The following PLPPR1 variants were observed in gnomAD, a reference collection of about 807,000 sequenced individuals.
PLPPR1 encodes phospholipid phosphatase related 1.
PLPPR1 carries 10 observed loss-of-function variants against 33.1 expected under a neutral mutation model. The observed-to-expected ratio is 0.30, with a 90% confidence interval of 0.19 to 0.51. The LOEUF (loss-of-function observed/expected upper bound fraction) is 0.51, where lower values mean the gene tolerates loss of function less well. PLPPR1 is among the 20% of genes least tolerant of loss of function. The pLI, the probability that PLPPR1 is intolerant of heterozygous loss-of-function variation, is 0.97. For synonymous variants in PLPPR1, 151 were observed against 151.0 expected (o/e 1.00, Z 0.00); for missense variants, 304 against 408.1 (o/e 0.74, Z 2.20).
intron 2 of PLPPR1, among the ~76,000 whole-genome samples, chr9:101,210,263 T>C (rs643697): frequency 0.61 from 92,975 of 152,012 alleles, 28,798 homozygotes; most frequent in East Asian, 0.91. Flanking sequence ...CTGCTATTTC[T>C]TTAGAGTACT....
chr9:101,148,446 C>T (rs1357738044), intron 1 of PLPPR1, among the ~76,000 whole-genome samples: 1 of 152,198 alleles, frequency 6.6e-6, no homozygotes, highest in Non-Finnish European at 1.5e-5. Context: ...ATCTCATTTT[C>T]AGCCATTTGT....
chr9:101,118,644 T>C (rs770428905), intron 1 of PLPPR1, among the ~76,000 whole-genome samples: 1 of 152,192 alleles, frequency 6.6e-6, no homozygotes, highest in African/African-American at 2.4e-5. Context: ...CTTTAGATCA[T>C]GCTAAGGGGT....
intron 1 of PLPPR1, among the ~76,000 whole-genome samples, chr9:101,155,774 A>G (rs1450982837): frequency 6.6e-6 from 1 of 151,910 alleles, no homozygotes; most frequent in Non-Finnish European, 1.5e-5. Context: ...TAATTTTTGT[A>G]TTTTTAGTAG....
intron 1 of PLPPR1, among the ~76,000 whole-genome samples, chr9:101,115,870 A>G (rs552328385): frequency 6.6e-6 from 1 of 152,348 alleles, no homozygotes; most frequent in South Asian, 2.1e-4. Context: ...AAAAGAGATA[A>G]TAACAGCAAC....
intron 1 of PLPPR1, among the ~76,000 whole-genome samples, chr9:101,176,020 C>A (rs374073183): frequency 2.6e-5 from 4 of 152,314 alleles, no homozygotes; most frequent in African/African-American, 9.6e-5. Flanking sequence ...TTTTCTTTTG[C>A]CTCAGGTGTC....
rs114933745 is a variant in PLPPR1 at position 101,146,625 on chromosome 9, C to T, written c.-45-38825C>T. 5.7e-3 allele frequency among the ~76,000 whole-genome samples: 867 copies of T among 152,306 alleles called. 10 individuals carry two copies. The highest frequency in any genetic ancestry group is 0.019 in the African/African-American group (806 of 41,574). Reference sequence around the variant, plus strand: ...TGGCTGAACAAGCAAGTTCCAAGCACGAAGTGCAGAAGGAATGAGTTCCCT... The same window carrying T: ...TGGCTGAACAAGCAAGTTCCAAGCATGAAGTGCAGAAGGAATGAGTTCCCT... On this transcript the variant is annotated intron_variant, in intron 1 of 7. Coordinates refer to ENST00000374874, the MANE Select transcript of PLPPR1 (RefSeq NM_207299.2).
chr9:101,167,022 T>A, intron 1 of PLPPR1, among the ~76,000 whole-genome samples: 2 of 144,478 alleles, frequency 1.4e-5, no homozygotes, highest in Admixed American at 6.9e-5. Context: ...GGCAGTGATT[T>A]CTGAGGGTGC....
chr9:101,212,642 T>C (rs1826711705), intron 2 of PLPPR1, among the ~76,000 whole-genome samples: 2 of 152,220 alleles, frequency 1.3e-5, no homozygotes, highest in Admixed American at 1.3e-4. Flanking sequence ...TATATAACTA[T>C]AGGTTTCAGA....
intron 3 of PLPPR1, among the ~76,000 whole-genome samples, chr9:101,279,152 C>A (rs1013267305): frequency 6.6e-6 from 1 of 151,926 alleles, no homozygotes; most frequent in South Asian, 2.1e-4. Context: ...TAAGGAAGCT[C>A]AATGAACTTC....
intron 1 of PLPPR1, among the ~76,000 whole-genome samples, chr9:101,068,321 C>T (rs944654167): frequency 2.6e-5 from 4 of 151,948 alleles, no homozygotes; most frequent in Non-Finnish European, 5.9e-5. Flanking sequence ...GCTGTAGAGA[C>T]ATAGCCAGTG....
At chr9:101,123,621 G>C (rs940693826) in intron 1 of PLPPR1, among the ~76,000 whole-genome samples, 1 of 152,190 alleles carries the variant, frequency 6.6e-6, no homozygotes, top group East Asian at 1.9e-4. Flanking sequence ...GAAATAGGTG[G>C]TGAGAATGTG....
chr9:101,275,597 C>CT, intron 3 of PLPPR1, among the ~76,000 whole-genome samples: 1 of 152,270 alleles, frequency 6.6e-6, no homozygotes, highest in Admixed American at 6.5e-5. Flanking sequence ...TGGCTAACTA[C>CT]TGCCTCAGGC....
chr9:101,153,728 C>T (rs1043655697), intron 1 of PLPPR1, among the ~76,000 whole-genome samples: 4 of 150,690 alleles, frequency 2.7e-5, no homozygotes, highest in Admixed American at 1.3e-4. Flanking sequence ...GTGCCTGCCA[C>T]CATGCCTGGC....
chr9:101,296,690 G>A (rs938413509), intron 4 of PLPPR1, among the ~76,000 whole-genome samples: 16 of 152,114 alleles, frequency 1.1e-4, no homozygotes, highest in Middle Eastern at 3.4e-3. Flanking sequence ...GTAAACTGTC[G>A]CAAGAACAAA....
chr9:101,221,754 G>C (rs1826946271), intron 2 of PLPPR1, among the ~76,000 whole-genome samples: 1 of 152,124 alleles, frequency 6.6e-6, no homozygotes, highest in South Asian at 2.1e-4. Flanking sequence ...TCTGAAGTGT[G>C]TGCTTTTTGT....
intron 1 of PLPPR1, among the ~76,000 whole-genome samples, chr9:101,161,559 A>T (rs1831773152): frequency 6.6e-6 from 1 of 152,062 alleles, no homozygotes. Flanking sequence ...CTTGTCTGTA[A>T]AATGGGGTTA....
chr9:101,177,114 T>C (rs1268509826), intron 1 of PLPPR1, among the ~76,000 whole-genome samples: 1 of 152,212 alleles, frequency 6.6e-6, no homozygotes, highest in Non-Finnish European at 1.5e-5. Flanking sequence ...CCTTTTTCCA[T>C]GGGAATTTTA....
intron 1 of PLPPR1, among the ~76,000 whole-genome samples, chr9:101,070,696 G>A (rs1164969655): frequency 6.6e-6 from 1 of 152,008 alleles, no homozygotes; most frequent in African/African-American, 2.4e-5. Flanking sequence ...TGCACTCTCA[G>A]ACTTCAATAT....
At chr9:101,138,066 G>A (rs550926261) in intron 1 of PLPPR1, among the ~76,000 whole-genome samples, 102 of 152,288 alleles carry the variant, frequency 6.7e-4, no homozygotes, top group African/African-American at 2.4e-3. Context: ...ATGCATATGG[G>A]CAACTAAGTT....
Sources: gnomAD v4.1 joint callset for allele counts (sites outside exome capture counted in the v4.1 genomes callset) on GRCh38, gnomAD v4.1.1 for gene constraint, MANE v1.5 for transcripts, NCBI Gene and HGNC (gene_info 2026-07-23, HGNC 2026-07-21) for gene names.